The following CMYA5 variants were observed in gnomAD, a reference collection of about 807,000 sequenced individuals.
CMYA5 encodes cardiomyopathy associated 5.
Under a neutral mutation model 318.9 loss-of-function variants are expected in CMYA5, and 246 were observed. That is an observed-to-expected ratio of 0.77 (90% CI 0.70 to 0.86). The LOEUF (loss-of-function observed/expected upper bound fraction) is 0.86. Ranked by LOEUF, CMYA5 falls within the 40% of genes least tolerant of loss-of-function variation. CMYA5 has a pLI of 0.00. For missense variants in CMYA5, 4,589 were observed against 4,678.2 expected, an observed-to-expected ratio of 0.98 and a Z score of 0.56; for synonymous variants, 1,641 against 1,729.5, an observed-to-expected ratio of 0.95 and a Z score of 1.27.
chr5:79,772,563 A>T (rs902782034), intron 9 of CMYA5, among the ~76,000 whole-genome samples: 1 of 152,162 alleles, frequency 6.6e-6, no homozygotes, highest in Non-Finnish European at 1.5e-5. Context: ...GCCACAAATT[A>T]CTATCCTGTT....
chr5:79,718,210 T>C (rs1827556490), intron 1 of CMYA5, among the ~76,000 whole-genome samples: 1 of 152,190 alleles, frequency 6.6e-6, no homozygotes, highest in Non-Finnish European at 1.5e-5. Flanking sequence ...TATAGTTTGC[T>C]GAACTGTTAT....
chr5:79,794,166 A>G (rs927638610), intron 12 of CMYA5, among the ~76,000 whole-genome samples: 1 of 152,240 alleles, frequency 6.6e-6, no homozygotes, highest in Non-Finnish European at 1.5e-5. Context: ...ACTATAGCCC[A>G]TAGGCCACAT....
chr5:79,790,804 C>T (rs2287676), intron 10 of CMYA5, among the ~76,000 whole-genome samples, 166 bp from the exon 11 acceptor site: 25,382 of 152,140 alleles, frequency 0.17, 2,524 homozygotes, highest in Admixed American at 0.31. Flanking sequence ...CCGGCATCCA[C>T]GAAGGCCTTA....
chr5:79,787,105 A>T (rs1295875264), intron 9 of CMYA5, among the ~76,000 whole-genome samples: 1 of 152,218 alleles, frequency 6.6e-6, no homozygotes, highest in African/African-American at 2.4e-5. Flanking sequence ...ACTTACCTAC[A>T]AAACAGTATC....
At chr5:79,758,614 G>A (rs1828579336) in intron 6 of CMYA5, 139 bp from the exon 7 acceptor site, 1 of 451,814 alleles carries the variant, frequency 2.2e-6, no homozygotes. Context: ...TTGGGGGTTT[G>A]GGGGAACAAG....
chr5:79,696,054 C>G (rs1827061227), intron 1 of CMYA5, among the ~76,000 whole-genome samples: 1 of 152,330 alleles, frequency 6.6e-6, no homozygotes, highest in Non-Finnish European at 1.5e-5. Context: ...AAAGGGCAAG[C>G]CTTCCAGACT....
intron 1 of CMYA5, among the ~76,000 whole-genome samples, chr5:79,713,429 T>C (rs1827443378): frequency 6.6e-6 from 1 of 152,102 alleles, no homozygotes; most frequent in Non-Finnish European, 1.5e-5. Flanking sequence ...AAGCAGTCAC[T>C]AAGCTATGTA....
intron 1 of CMYA5, among the ~76,000 whole-genome samples, chr5:79,707,707 G>T (rs553505814): frequency 5.2e-4 from 79 of 152,286 alleles, no homozygotes; most frequent in Non-Finnish European, 8.1e-4. Flanking sequence ...TTATAAAGTA[G>T]ATATGAGCCA....
Position 79,735,976 on chromosome 5 carries a change from C to T in CMYA5, c.7211C>T (p.Ser2404Leu), listed in dbSNP as rs368812847. The stretch of plus-strand genomic sequence containing the variant: ...GCAAGTAAAAATATCACAAAGGAAT[C>T]AGAGAAACCAGAGTCAATTATTTTG... The part of the protein sequence containing the change: ...NFASKNITKE[S>L]EKPESIILPV... Residue 2404 changes from serine to leucine, a missense_variant, in exon 2 of 13, where the codon TCA (serine) becomes TTA (leucine). Ser to Leu is a moderately radical substitution (Grantham distance 145). Around this residue, in one of 3 missense-constraint regions of CMYA5, gnomAD observed 2,431 missense variants for 2,495.1 expected, o/e 0.97. Transcript: ENST00000446378. The T allele has an allele frequency of 3.7e-6, 6 of 1,613,142 alleles. No individual in the cohort carries two copies. In the Admixed American group the frequency reaches 1.0e-4, roughly 27 times the overall value.
intron 6 of CMYA5, 72 bp downstream of exon 6, chr5:79,752,866 A>C (rs1828457284): frequency 9.7e-7 from 1 of 1,028,054 alleles, no homozygotes; most frequent in African/African-American, 1.6e-5. Flanking sequence ...GTATGTAATG[A>C]TATATACAAA....
At chr5:79,798,932 A>C (rs1172576739) in intron 12 of CMYA5, among the ~76,000 whole-genome samples, 1 of 152,252 alleles carries the variant, frequency 6.6e-6, no homozygotes, top group African/African-American at 2.4e-5. Context: ...TATGTAAGTT[A>C]CCTATAAAAT....
At chr5:79,726,014 T>C (rs181519648) in intron 1 of CMYA5, among the ~76,000 whole-genome samples, 9 of 152,364 alleles carry the variant, frequency 5.9e-5, no homozygotes, top group Admixed American at 5.2e-4. Flanking sequence ...GCTTTATATT[T>C]GTACTCCTAG....
At chr5:79,700,442 T>C (rs1435079476) in intron 1 of CMYA5, among the ~76,000 whole-genome samples, 1 of 152,202 alleles carries the variant, frequency 6.6e-6, no homozygotes, top group African/African-American at 2.4e-5. Flanking sequence ...GGAGAACTAG[T>C]CATTAAACAG....
Position 79,734,369 on chromosome 5 carries a change from A to G in CMYA5, c.5604A>G (p.Ser1868=). 6.2e-7 allele frequency: 1 copy of G among 1,613,920 alleles called. No individual in the cohort carries two copies. Among genetic ancestry groups the G allele is most frequent in the Non-Finnish European group, 8.5e-7 (1 of 1,179,818 alleles). Residue 1868 remains serine (S), a synonymous_variant, in exon 2 of 13, where the codon TCA becomes TCG. Transcript: ENST00000446378. ...ATTTGCCTTTGGAACAATCAAAATCATTTATGACAACCAAGCCTGCGGATG... is the reference window on the plus strand; with the variant it reads ...ATTTGCCTTTGGAACAATCAAAATCGTTTATGACAACCAAGCCTGCGGATG... ...RENLPLEQSK[S]FMTTKPADVK...
At chr5:79,703,091 G>T (rs1234274852) in intron 1 of CMYA5, among the ~76,000 whole-genome samples, 1 of 152,198 alleles carries the variant, frequency 6.6e-6, no homozygotes, top group Non-Finnish European at 1.5e-5. Context: ...TGTCTTTTTG[G>T]ATGTCAGATG....
chr5:79,756,179 C>G (rs762399655), intron 6 of CMYA5, among the ~76,000 whole-genome samples: 8 of 137,784 alleles, frequency 5.8e-5, no homozygotes, highest in Non-Finnish European at 1.3e-4. Flanking sequence ...GCTGGGAAGA[C>G]AAGCAATAAA....
Position 79,729,240 on chromosome 5 carries a change from CA to C in CMYA5, c.477del (p.Asp160MetfsTer11). 6.2e-7 allele frequency: 1 copy of C among 1,612,486 alleles called. No homozygotes were observed. Among genetic ancestry groups the C allele is most frequent in the African/African-American group, 1.3e-5 (1 of 74,892 alleles). The part of the protein sequence containing the change: ...GNRKRNSFES[Q>X]DVPTNKKGSP... Reference sequence around the variant, plus strand: ...CAGAAAAAGAAATTCTTTTGAATCCCAAGATGTTCCAACAAACAAAAAAGGC... The same window carrying C: ...CAGAAAAAGAAATTCTTTTGAATCCCAGATGTTCCAACAAACAAAAAAGGC... On this transcript the variant is annotated frameshift_variant, in exon 2 of 13. Coordinates refer to ENST00000446378, the MANE Select transcript of CMYA5 (RefSeq NM_153610.5). LOFTEE classifies it high-confidence loss of function.
At chr5:79,794,872 C>T (rs958777995) in intron 12 of CMYA5, among the ~76,000 whole-genome samples, 1 of 152,074 alleles carries the variant, frequency 6.6e-6, no homozygotes, top group Non-Finnish European at 1.5e-5. Flanking sequence ...AGTCACGTTT[C>T]GTCAAGTCAG....
At position 79,735,135 on chromosome 5, in the gene CMYA5, C is replaced by A. The variant is rs568528032; in HGVS notation, c.6370C>A (p.Pro2124Thr). 3 of 1,613,650 alleles carry A rather than the reference C, an allele frequency of 1.9e-6. No homozygotes were observed. Among genetic ancestry groups the A allele is most frequent in the South Asian group, 2.2e-5 (2 of 91,060 alleles). The change falls in exon 2 of 13, where the codon CCT becomes ACT. Residue 2124 changes from proline to threonine, a missense_variant. Physicochemically the swap from Pro to Thr is conservative, Grantham distance 38. Transcript: ENST00000446378. ...DDADEGKKPSPEVKIPTQRKP... is the reference protein window; with the variant it reads ...DDADEGKKPSTEVKIPTQRKP... ...TGCTGATGAGGGAAAGAAACCATCACCTGAAGTAAAAATACCCACACAAAG... is the reference window on the plus strand; with the variant it reads ...TGCTGATGAGGGAAAGAAACCATCAACTGAAGTAAAAATACCCACACAAAG...
Sources: allele counts gnomAD v4.1 joint callset (sites outside exome capture counted in the v4.1 genomes callset), GRCh38; gene constraint gnomAD v4.1.1; regional missense constraint gnomAD v4.1.1; transcripts MANE v1.5; gene names NCBI Gene and HGNC (gene_info 2026-07-23, HGNC 2026-07-21).